The following FHIP1A variants were observed in gnomAD, a reference collection of about 807,000 sequenced individuals.
The protein encoded by FHIP1A is FHF complex subunit HOOK-interacting protein 1A.
A neutral mutation model predicts 88.6 loss-of-function variants in FHIP1A; 61 were observed. The ratio of observed to expected loss-of-function variants is 0.69; its 90% CI spans 0.56 to 0.85. The LOEUF (loss-of-function observed/expected upper bound fraction) is 0.85. Ranked by LOEUF, FHIP1A falls within the 40% of genes least tolerant of loss-of-function variation. FHIP1A has a pLI of 0.00. For missense variants in FHIP1A, 1,154 were observed against 1,273.5 expected (o/e 0.91, Z 1.43); for synonymous variants, 478 against 496.0 (o/e 0.96, Z 0.48).
chr4:151,505,353 A>G (rs1443363151), intron 3 of FHIP1A, among the ~76,000 whole-genome samples: 2 of 152,194 alleles, frequency 1.3e-5, no homozygotes, highest in African/African-American at 4.8e-5. Flanking sequence ...ACAAAACTAC[A>G]TGAAATAAGA....
At chr4:151,494,457 A>C (rs1162138905) in intron 3 of FHIP1A, among the ~76,000 whole-genome samples, 3 of 151,868 alleles carry the variant, frequency 2.0e-5, no homozygotes, top group Admixed American at 1.3e-4. Flanking sequence ...GTTTTTGTCA[A>C]CTTTGTTGAA....
At chr4:151,552,580 A>G (rs1732781262) in intron 3 of FHIP1A, among the ~76,000 whole-genome samples, 1 of 152,192 alleles carries the variant, frequency 6.6e-6, no homozygotes, top group Non-Finnish European at 1.5e-5. Context: ...ACAAGGATAG[A>G]AAACCAAATA....
At chr4:151,609,223 G>A (rs1735201388) in intron 7 of FHIP1A, among the ~76,000 whole-genome samples, 1 of 152,168 alleles carries the variant, frequency 6.6e-6, no homozygotes, top group South Asian at 2.1e-4. Context: ...ACCCAGTCCT[G>A]CCAAATGCCT....
intron 3 of FHIP1A, among the ~76,000 whole-genome samples, chr4:151,551,788 T>C (rs1560763664): frequency 1.3e-5 from 2 of 152,126 alleles, no homozygotes; most frequent in African/African-American, 4.8e-5. Flanking sequence ...AGACTTCATG[T>C]CTAAAACACC....
At chr4:151,502,860 C>T (rs572976393) in intron 3 of FHIP1A, among the ~76,000 whole-genome samples, 7 of 152,292 alleles carry the variant, frequency 4.6e-5, no homozygotes, top group East Asian at 1.9e-4. Context: ...TCTGTCTTCA[C>T]GCAGTCCTTA....
At chr4:151,576,064 A>G (rs1304904699) in intron 4 of FHIP1A, among the ~76,000 whole-genome samples, 2 of 152,214 alleles carry the variant, frequency 1.3e-5, no homozygotes, top group Non-Finnish European at 2.9e-5. Context: ...TGGAATGAAT[A>G]TTATACCAGA....
rs543039299 is a variant in FHIP1A at position 151,650,167 on chromosome 4, C to T, written c.2126C>T (p.Pro709Leu). The stretch of plus-strand genomic sequence containing the variant: ...AATTCAGACCCGTTTCACAGTGAGC[C>T]CAAGGAGCCAAAGCAAGAGAGGGAA... ...RDNSDPFHSEPKEPKQEREPE... is the reference protein window; with the variant it reads ...RDNSDPFHSELKEPKQEREPE... Residue 709 changes from proline (P) to leucine (L), a missense_variant, in exon 11 of 14, where the codon CCC (proline) becomes CTC (leucine). By Grantham distance (98) the Pro-to-Leu change is moderately conservative. Transcript: ENST00000435205. 1 of 1,551,650 alleles carries T rather than the reference C, an allele frequency of 6.4e-7. No individual in the cohort carries two copies. The highest frequency in any genetic ancestry group is 1.4e-5 in the African/African-American group (1 of 73,138).
rs780773772 is a variant in FHIP1A at position 151,586,602 on chromosome 4, T to A, written c.733-39T>A. 6.0e-6 allele frequency: 9 copies of A among 1,510,472 alleles called. No homozygotes were observed. The South Asian group carries it at 1.1e-4, about 19-fold the overall frequency. 93.6% of individuals were successfully genotyped at this position (1,510,472 alleles called of 1,614,324 possible). ...AGCTGTTAATTGCAGGTTGAGAACT[T>A]TGGAAAAGCATTTATTTTGTTTTTA... On this transcript the variant is annotated intron_variant, in intron 5 of 13. Coordinates refer to ENST00000435205, the MANE Select transcript of FHIP1A (RefSeq NM_001109977.3).
intron 9 of FHIP1A, among the ~76,000 whole-genome samples, chr4:151,644,377 G>C (rs1736708430): frequency 6.6e-6 from 1 of 151,856 alleles, no homozygotes. Flanking sequence ...TTAGAGACAG[G>C]CTCTCACTCT....
At chr4:151,526,808 G>A (rs62329068) in intron 3 of FHIP1A, among the ~76,000 whole-genome samples, 55,430 of 149,682 alleles carry the variant, frequency 0.37, 10,529 homozygotes, top group Non-Finnish European at 0.43. Context: ...CTTCTCAGAC[G>A]GGGCGGTTGC....
At chr4:151,566,676 CCTCT>C (rs900577769) in intron 4 of FHIP1A, among the ~76,000 whole-genome samples, 5 of 151,176 alleles carry the variant, frequency 3.3e-5, no homozygotes, top group African/African-American at 9.7e-5. Flanking sequence ...ATAATTATAT[CCTCT>C]CTCTCTCTCT....
Position 151,574,878 on chromosome 4 carries a change from A to G in FHIP1A, c.106-2572A>G, listed in dbSNP as rs538881757. Among the ~76,000 whole-genome samples, 46 of 151,702 alleles carry G rather than the reference A, an allele frequency of 3.0e-4. No individual in the cohort carries two copies. In the South Asian group the frequency reaches 9.4e-3, roughly 31 times the overall value. On this transcript the variant is annotated intron_variant, in intron 4 of 13. Coordinates refer to ENST00000435205, the MANE Select transcript of FHIP1A (RefSeq NM_001109977.3). Reference sequence around the variant, plus strand: ...GGTGATATAACATATTTTGATTCTAATTCTCTTATTCTTGACCATTTGAGT... The same window carrying G: ...GGTGATATAACATATTTTGATTCTAGTTCTCTTATTCTTGACCATTTGAGT...
At chr4:151,468,284 C>CAAAAAAA (rs921242622) in intron 2 of FHIP1A, among the ~76,000 whole-genome samples, 2 of 38,314 alleles carry the variant, frequency 5.2e-5, no homozygotes, top group Admixed American at 2.5e-4. Flanking sequence ...GACTCCATCT[C>CAAAAAAA]AAAAAAAAAA....
chr4:151,492,092 C>T (rs1007418469), intron 3 of FHIP1A, among the ~76,000 whole-genome samples: 5 of 152,072 alleles, frequency 3.3e-5, no homozygotes, highest in Admixed American at 2.0e-4. Flanking sequence ...CTAGACAGGT[C>T]GTCAAGACAG....
rs146383172 is a variant in FHIP1A, at chr4:151,420,810, A to G, written c.-356+11345A>G. On this transcript the variant is annotated intron_variant, in intron 1 of 13. Coordinates refer to ENST00000435205, the MANE Select transcript of FHIP1A (RefSeq NM_001109977.3). ...CACTAAGATCAACCTAGGGAAGGAA[A>G]GGCAAATGAGGGGCTTGCATGCCTG... 8.8e-4 allele frequency among the ~76,000 whole-genome samples: 134 copies of G among 152,318 alleles called. No homozygotes were observed. In the East Asian group the frequency reaches 0.017, roughly 19 times the overall value.
intron 1 of FHIP1A, among the ~76,000 whole-genome samples, chr4:151,409,905 C>G (rs1012551842): frequency 1.8e-4 from 27 of 152,186 alleles, no homozygotes; most frequent in Admixed American, 4.6e-4. Flanking sequence ...CGGTGCCCCT[C>G]TGAGGTTTGC....
At chr4:151,540,699 A>T (rs1732250987) in intron 3 of FHIP1A, among the ~76,000 whole-genome samples, 1 of 152,222 alleles carries the variant, frequency 6.6e-6, no homozygotes, top group Non-Finnish European at 1.5e-5. Context: ...AAAATAAAAA[A>T]TATTAACAGT....
At chr4:151,472,865 A>C (rs909105846) in intron 2 of FHIP1A, among the ~76,000 whole-genome samples, 6 of 152,170 alleles carry the variant, frequency 3.9e-5, no homozygotes, top group Non-Finnish European at 4.4e-5. Context: ...TGAAATGTAG[A>C]CTGGGTTTAT....
chr4:151,451,869 G>T (rs1728803046), intron 1 of FHIP1A, among the ~76,000 whole-genome samples: 2 of 145,348 alleles, frequency 1.4e-5, no homozygotes, highest in African/African-American at 5.1e-5. Context: ...TGCCCAGGCT[G>T]AAGTGCCATG....
Sources: allele counts gnomAD v4.1 joint callset (sites outside exome capture counted in the v4.1 genomes callset), GRCh38; gene constraint gnomAD v4.1.1; transcripts MANE v1.5; gene names NCBI Gene and HGNC (gene_info 2026-07-23, HGNC 2026-07-21).